The following NT5C2 variants were observed in gnomAD, a reference collection of about 807,000 sequenced individuals.
NT5C2 encodes 5'-nucleotidase, cytosolic II.
NT5C2 carries 58 observed loss-of-function variants against 76.1 expected under a neutral mutation model. The ratio of observed to expected loss-of-function variants is 0.76; its 90% CI spans 0.62 to 0.95. The LOEUF (loss-of-function observed/expected upper bound fraction) is 0.95, where lower values mean the gene tolerates loss of function less well. Ranked by LOEUF, NT5C2 falls within the 40% of genes least tolerant of loss-of-function variation. NT5C2 has a pLI of 0.00. For synonymous variants in NT5C2, 229 were observed against 237.4 expected (o/e 0.96, Z 0.32); for missense variants, 478 against 690.3 (o/e 0.69, Z 3.45).
chr10:103,147,530 T>C (rs749359737), intron 3 of NT5C2, among the ~76,000 whole-genome samples: 2 of 152,202 alleles, frequency 1.3e-5, no homozygotes, highest in Non-Finnish European at 2.9e-5. Flanking sequence ...CTTTTCTACT[T>C]AATGAAAGAA....
At chr10:103,154,570 A>G (rs1304690142) in intron 3 of NT5C2, among the ~76,000 whole-genome samples, 1 of 152,202 alleles carries the variant, frequency 6.6e-6, no homozygotes, top group Non-Finnish European at 1.5e-5. Context: ...GGAACTTTGA[A>G]TAAGTTACTT....
At chr10:103,093,086 T>A (rs1449725989) in intron 15 of NT5C2, 53 bp downstream of exon 15, 1 of 1,431,728 alleles carries the variant, frequency 7.0e-7, no homozygotes, top group African/African-American at 1.4e-5. Context: ...GACGACTGAT[T>A]CAAAGCTGGT....
chr10:103,183,291 A>ATATATATATATATATATATC (rs1554841794), intron 1 of NT5C2, among the ~76,000 whole-genome samples: 2 of 128,146 alleles, frequency 1.6e-5, no homozygotes, highest in East Asian at 4.8e-4. Context: ...ATATATATAT[A>ATATATATATATATATATATC]TATCACACAC....
chr10:103,127,441 A>T (rs1013704434), intron 4 of NT5C2, among the ~76,000 whole-genome samples: 1 of 152,232 alleles, frequency 6.6e-6, no homozygotes, highest in Non-Finnish European at 1.5e-5. Context: ...CTTCTCTGAA[A>T]AATATTTGTG....
intron 1 of NT5C2, among the ~76,000 whole-genome samples, chr10:103,192,196 A>G (rs992594304): frequency 4.6e-5 from 7 of 152,142 alleles, no homozygotes; most frequent in African/African-American, 1.7e-4. Flanking sequence ...CGTTGCTTGA[A>G]GAGGCGAAAT....
At chr10:103,185,842 C>T (rs914578418) in intron 1 of NT5C2, among the ~76,000 whole-genome samples, 1 of 152,038 alleles carries the variant, frequency 6.6e-6, no homozygotes, top group South Asian at 2.1e-4. Flanking sequence ...AGTATTTCTA[C>T]CTTTTAATAT....
At chr10:103,139,519 AAT>A in intron 3 of NT5C2, 40 bp from the exon 4 acceptor site, 1 of 1,287,320 alleles carries the variant, frequency 7.8e-7, no homozygotes, top group Non-Finnish European at 1.1e-6. Context: ...AACACTGGAA[AAT>A]AAATTCTCAA....
intron 3 of NT5C2, among the ~76,000 whole-genome samples, chr10:103,158,669 T>C (rs1164522116): frequency 1.3e-5 from 2 of 151,756 alleles, no homozygotes; most frequent in African/African-American, 4.8e-5. Flanking sequence ...ATACAAAAAT[T>C]AGCCAAGCAT....
intron 4 of NT5C2, among the ~76,000 whole-genome samples, chr10:103,117,089 C>T (rs1487903870): frequency 6.6e-6 from 1 of 151,622 alleles, no homozygotes; most frequent in African/African-American, 2.4e-5. Context: ...AGGGACGACA[C>T]CAAAGTAGCT....
At chr10:103,109,679 A>C (rs2072411372) in intron 4 of NT5C2, among the ~76,000 whole-genome samples, 1 of 152,170 alleles carries the variant, frequency 6.6e-6, no homozygotes, top group Non-Finnish European at 1.5e-5. Flanking sequence ...AACAAACCTT[A>C]ATTACTCCCA....
chr10:103,092,914 G>A (rs574593114), intron 15 of NT5C2, among the ~76,000 whole-genome samples: 1 of 139,606 alleles, frequency 7.2e-6, no homozygotes, highest in South Asian at 2.3e-4. Context: ...ACTTAACCTC[G>A]AAGAGATTCA....
chr10:103,180,767 T>C (rs537606171), intron 2 of NT5C2, among the ~76,000 whole-genome samples: 52 of 152,064 alleles, frequency 3.4e-4, no homozygotes, highest in African/African-American at 1.3e-3. Flanking sequence ...AGCTTTGTAA[T>C]GGCCAGAAAC....
chr10:103,163,871 CA>C (rs772272272), intron 3 of NT5C2, among the ~76,000 whole-genome samples: 67 of 59,198 alleles, frequency 1.1e-3, no homozygotes, highest in East Asian at 2.1e-3. Flanking sequence ...AAAAAAAAAA[CA>C]AAAAAAAAAA....
chr10:103,156,380 C>T (rs1434766261), intron 3 of NT5C2, among the ~76,000 whole-genome samples: 1 of 152,212 alleles, frequency 6.6e-6, no homozygotes, highest in African/African-American at 2.4e-5. Context: ...TATTATTCCT[C>T]ACTTCTTGGA....
In NT5C2 at chr10:103,153,134, C is replaced by T. The variant is rs2082685823; in HGVS notation, c.102-13655G>A. Among the ~76,000 whole-genome samples, 4 of 152,198 alleles carry T rather than the reference C, an allele frequency of 2.6e-5. No homozygotes were observed. In the South Asian group the frequency reaches 8.3e-4, roughly 32 times the overall value. ...ACAATAGCAACTTTATAGTAGATTA[C>T]ACATGAAACACTATAAGATTTGGGC... On this transcript the variant is annotated intron_variant, in intron 3 of 18. Transcript: ENST00000404739.
intron 3 of NT5C2, among the ~76,000 whole-genome samples, chr10:103,155,243 CAG>C (rs2083126880): frequency 2.0e-5 from 3 of 152,182 alleles, no homozygotes; most frequent in Non-Finnish European, 4.4e-5. Flanking sequence ...ATACGCACAA[CAG>C]AGAGGGACAT....
intron 4 of NT5C2, among the ~76,000 whole-genome samples, chr10:103,122,884 C>T (rs1039129021): frequency 6.6e-6 from 1 of 152,192 alleles, no homozygotes; most frequent in Non-Finnish European, 1.5e-5. Flanking sequence ...CTACAACTAT[C>T]CACTTCTTTA....
chr10:103,173,668 T>G (rs1343271968), intron 3 of NT5C2, among the ~76,000 whole-genome samples: 1 of 149,648 alleles, frequency 6.7e-6, no homozygotes, highest in East Asian at 2.0e-4. Flanking sequence ...GGCTCACACC[T>G]GTAATCTCAG....
chr10:103,089,796 C>A lies in NT5C2; in HGVS notation c.1562G>T (p.Arg521Leu). The change falls in exon 19 of 19, where the codon CGG (arginine) becomes CTG (leucine). Residue 521 changes from arginine to leucine, a missense_variant. Physicochemically the swap from Arg to Leu is moderately radical, Grantham distance 102. Transcript: ENST00000404739. ...ACTAATTGACCGTGTCAGCTGGTGC[C>A]GCTTGTAGTCAGTGTCTTTGAAATC... is the stretch of plus-strand genomic sequence containing the variant. ...SVDFKDTDYK[R>L]HQLTRSISEI... 6.2e-7 allele frequency: 1 copy of A among 1,613,970 alleles called. No homozygotes were observed. The highest frequency in any genetic ancestry group is 8.5e-7 in the Non-Finnish European group (1 of 1,180,002).
Sources: gnomAD v4.1 joint callset for allele counts (sites outside exome capture counted in the v4.1 genomes callset) on GRCh38, gnomAD v4.1.1 for gene constraint, MANE v1.5 for transcripts, NCBI Gene and HGNC (gene_info 2026-07-23, HGNC 2026-07-21) for gene names.